The following EPM2A variants were observed in gnomAD, a reference collection of about 807,000 sequenced individuals.
The protein encoded by EPM2A is EPM2A glucan phosphatase, laforin.
EPM2A carries 21 observed loss-of-function variants against 26.5 expected under a neutral mutation model. That is an observed-to-expected ratio of 0.79 (90% CI 0.56 to 1.14). The LOEUF is 1.14. Among genes scored for constraint, EPM2A ranks in the 50% most tolerant of loss-of-function variants. The pLI is 0.00. For synonymous variants in EPM2A, 217 were observed against 177.6 expected (o/e 1.22, Z -1.76); for missense variants, 458 against 440.8 (o/e 1.04, Z -0.35).
Position 145,700,913 on chromosome 6 carries a change from C to T in EPM2A, c.302-14617G>A, listed in dbSNP as rs183612945. ...CCATCCCTGATAGCTTCACACATTG[C>T]TTTCTTCCATGGCAAAAATATTTTA... On this transcript the variant is annotated intron_variant, in intron 1 of 3. Transcript: ENST00000367519. 1.6e-4 allele frequency among the ~76,000 whole-genome samples: 24 copies of T among 152,222 alleles called. No individual in the cohort carries two copies. The East Asian group carries it at 3.7e-3, about 23-fold the overall frequency.
In EPM2A at chr6:145,412,135, T is replaced by G. The variant is rs1185998011; in HGVS notation, c.556-28038A>C. Reference sequence around the variant, plus strand: ...AGGAGGCTGAGGCAGGAGAATCTCTTGAACCTGGGAGGCAGGGGTTGCAGT... The same window carrying G: ...AGGAGGCTGAGGCAGGAGAATCTCTGGAACCTGGGAGGCAGGGGTTGCAGT... On this transcript the variant is annotated intron_variant, in intron 4 of 4. Coordinates refer to the EPM2A transcript ENST00000638717. Among the ~76,000 whole-genome samples the G allele has an allele frequency of 6.6e-5, 10 of 150,676 alleles. No homozygotes were observed. The Admixed American group carries it at 6.7e-4, about 10-fold the overall frequency.
At chr6:145,525,094 T>G (rs560829388) in intron 2 of EPM2A, among the ~76,000 whole-genome samples, 1 of 152,220 alleles carries the variant, frequency 6.6e-6, no homozygotes, top group South Asian at 2.1e-4. Flanking sequence ...TGCAGCTTTA[T>G]TTCTGGGTTC....
intron 2 of EPM2A, among the ~76,000 whole-genome samples, chr6:145,673,014 T>C (rs761027596): frequency 6.6e-6 from 1 of 151,920 alleles, no homozygotes; most frequent in Non-Finnish European, 1.5e-5. Flanking sequence ...AATTTCCAGG[T>C]ACCAGAGGAA....
At chr6:145,595,110 C>T (rs1248234635) in intron 2 of EPM2A, among the ~76,000 whole-genome samples, 2 of 151,708 alleles carry the variant, frequency 1.3e-5, no homozygotes, top group Non-Finnish European at 3.0e-5. Flanking sequence ...AGATCTGTCT[C>T]TTTTTTTAAT....
At chr6:145,682,670 T>C (rs545218109) in intron 2 of EPM2A, 55 of 152,228 alleles carry the variant, frequency 3.6e-4, no homozygotes, top group African/African-American at 1.2e-3. Context: ...CTGCACAGAG[T>C]AATCCACACA....
chr6:145,618,356 C>A (rs1775559354), intron 2 of EPM2A, among the ~76,000 whole-genome samples: 1 of 152,172 alleles, frequency 6.6e-6, no homozygotes, highest in African/African-American at 2.4e-5. Flanking sequence ...ATAAGAATGA[C>A]AACAGAGATT....
At chr6:145,687,539 T>C (rs987286444) in intron 1 of EPM2A, among the ~76,000 whole-genome samples, 13 of 152,300 alleles carry the variant, frequency 8.5e-5, no homozygotes, top group South Asian at 2.1e-4. Flanking sequence ...CTCTTTATAC[T>C]ACCTAAGTAT....
intron 1 of EPM2A, among the ~76,000 whole-genome samples, chr6:145,699,864 G>A (rs1781816279): frequency 6.6e-6 from 1 of 152,088 alleles, no homozygotes; most frequent in Middle Eastern, 3.2e-3. Context: ...TTCAAAATAG[G>A]AAGCATTTCA....
At chr6:145,717,240 T>A (rs550833310) in intron 1 of EPM2A, among the ~76,000 whole-genome samples, 4 of 152,098 alleles carry the variant, frequency 2.6e-5, no homozygotes, top group African/African-American at 9.7e-5. Context: ...CAAACCGAAT[T>A]CAGCAGCACA....
At chr6:145,694,856 G>C (rs113586106) in intron 1 of EPM2A, among the ~76,000 whole-genome samples, 1 of 152,050 alleles carries the variant, frequency 6.6e-6, no homozygotes, top group Non-Finnish European at 1.5e-5. Flanking sequence ...AGAGAATACA[G>C]TTCCTGAGAT....
chr6:145,497,237 G>A (rs12663204), downstream of EPM2A, among the ~76,000 whole-genome samples: 68,221 of 151,804 alleles, frequency 0.45, 15,333 homozygotes, highest in South Asian at 0.58. Context: ...CTAACATTTG[G>A]ATGCGGTTTT....
At chr6:145,621,354 C>T (rs760700127), downstream of EPM2A, among the ~76,000 whole-genome samples, 2 of 152,148 alleles carry the variant, frequency 1.3e-5, no homozygotes, top group African/African-American at 2.4e-5. Context: ...TCATTGGATA[C>T]TTAGTTACCA....
At chr6:145,390,342 C>A (rs765033142) in intron 4 of EPM2A, among the ~76,000 whole-genome samples, 8 of 151,816 alleles carry the variant, frequency 5.3e-5, no homozygotes, top group Non-Finnish European at 1.2e-4. Flanking sequence ...AAAAAAAACA[C>A]CTTCACAGAA....
At chr6:145,534,611 C>T (rs1459427696) in intron 2 of EPM2A, among the ~76,000 whole-genome samples, 1 of 152,222 alleles carries the variant, frequency 6.6e-6, no homozygotes, top group Non-Finnish European at 1.5e-5. Flanking sequence ...GCCAGGTCCT[C>T]TGCAGCTGCA....
At position 145,576,994 on chromosome 6, in the gene EPM2A, G is replaced by A. The variant is rs532996706; in HGVS notation, c.340+58251C>T. 2.0e-5 allele frequency among the ~76,000 whole-genome samples: 3 copies of A among 150,148 alleles called. No individual in the cohort carries two copies. In the Admixed American group the frequency reaches 2.0e-4, roughly 10 times the overall value. ...TAAGATGTTTTTTACAAGCTTCATG[G>A]TAACCACATTGTCAAAACCTATACT... On this transcript the variant is annotated intron_variant, in intron 2 of 3. Coordinates refer to the EPM2A transcript ENST00000450221.
chr6:145,432,840 C>T (rs55777204), intron 4 of EPM2A, among the ~76,000 whole-genome samples: 277 of 152,238 alleles, frequency 1.8e-3, no homozygotes, highest in Non-Finnish European at 3.2e-3. Context: ...AAACATCTTA[C>T]CTTGATCTTC....
At chr6:145,427,810 A>G (rs368275205) in intron 4 of EPM2A, among the ~76,000 whole-genome samples, 182 of 152,268 alleles carry the variant, frequency 1.2e-3, no homozygotes, top group African/African-American at 4.1e-3. Flanking sequence ...TTAAATATTC[A>G]TGCCTACTTT....
chr6:145,577,564 A>G (rs1319696297), intron 2 of EPM2A, among the ~76,000 whole-genome samples: 2 of 150,348 alleles, frequency 1.3e-5, no homozygotes, highest in East Asian at 3.9e-4. Flanking sequence ...TATTAATGCT[A>G]AAGAGAAATG....
intron 4 of EPM2A, among the ~76,000 whole-genome samples, chr6:145,448,939 ACCATGGG>A (rs1259513158): frequency 5.9e-5 from 9 of 152,180 alleles, no homozygotes; most frequent in African/African-American, 1.9e-4. Flanking sequence ...GCAGTGTAAA[ACCATGGG>A]CCTCAGCTAA....
Sources: allele counts gnomAD v4.1 joint callset (sites outside exome capture counted in the v4.1 genomes callset), GRCh38; gene constraint gnomAD v4.1.1; transcripts MANE v1.5; gene names NCBI Gene and HGNC (gene_info 2026-07-23, HGNC 2026-07-21).